Variants in KCNH5 observed in about 807,000 individuals in gnomAD.
The protein encoded by KCNH5 is potassium voltage-gated channel subfamily H member 5.
Under a neutral mutation model 96.1 loss-of-function variants are expected in KCNH5, and 46 were observed. The observed-to-expected ratio is 0.48, with a 90% CI of 0.38 to 0.61. The LOEUF (loss-of-function observed/expected upper bound fraction) is 0.61, where lower values mean the gene tolerates loss of function less well. KCNH5 is among the 20% of genes least tolerant of loss of function. The probability of loss-of-function intolerance (pLI) is 0.00; values close to 1 mark genes in which losing one functional copy is unlikely to be tolerated. For missense variants in KCNH5, 907 were observed against 1,225.8 expected (o/e 0.74, Z 3.88); for synonymous variants, 439 against 449.8 (o/e 0.98, Z 0.30).
chr14:62,972,491 T>C (rs1882503964), intron 6 of KCNH5, among the ~76,000 whole-genome samples: 1 of 152,236 alleles, frequency 6.6e-6, no homozygotes, highest in African/African-American at 2.4e-5. Context: ...GATTCAGCAA[T>C]CATGTTTCTT....
intron 9 of KCNH5, among the ~76,000 whole-genome samples, chr14:62,787,645 A>C (rs1035315729): frequency 3.9e-5 from 6 of 152,208 alleles, no homozygotes; most frequent in African/African-American, 1.2e-4. Flanking sequence ...ACTTTAAAGG[A>C]TAGGCTAACT....
At chr14:63,032,770 A>G (rs1891652412) in intron 1 of KCNH5, among the ~76,000 whole-genome samples, 1 of 152,178 alleles carries the variant, frequency 6.6e-6, no homozygotes, top group African/African-American at 2.4e-5. Flanking sequence ...ACATCTGTAC[A>G]CACTTATATT....
intron 10 of KCNH5, among the ~76,000 whole-genome samples, chr14:62,778,593 T>C (rs1886145778): frequency 6.6e-6 from 1 of 152,350 alleles, no homozygotes; most frequent in East Asian, 1.9e-4. Flanking sequence ...CATTCATCAT[T>C]GCCTTCACTT....
chr14:63,040,778 T>C (rs1206502731), intron 1 of KCNH5, among the ~76,000 whole-genome samples: 1 of 152,092 alleles, frequency 6.6e-6, no homozygotes, highest in Non-Finnish European at 1.5e-5. Context: ...CAATTCAGCA[T>C]GAAAATAATT....
At chr14:63,000,979 G>A (rs1475275275) in intron 4 of KCNH5, among the ~76,000 whole-genome samples, 3 of 152,146 alleles carry the variant, frequency 2.0e-5, no homozygotes, top group Non-Finnish European at 2.9e-5. Flanking sequence ...GGAGGCTGAG[G>A]TGGGGGGACC....
At chr14:63,037,238 A>G (rs1158765834) in intron 1 of KCNH5, among the ~76,000 whole-genome samples, 1 of 152,188 alleles carries the variant, frequency 6.6e-6, no homozygotes, top group African/African-American at 2.4e-5. Context: ...AAGTAAGTTA[A>G]GTCACCGAGC....
At chr14:63,010,807 A>G (rs1452906467) in intron 2 of KCNH5, among the ~76,000 whole-genome samples, 2 of 152,214 alleles carry the variant, frequency 1.3e-5, no homozygotes, top group East Asian at 3.9e-4. Flanking sequence ...AAGAATGGCT[A>G]TAACGATTGA....
intron 1 of KCNH5, among the ~76,000 whole-genome samples, chr14:63,017,429 TTAGAC>T (rs1444618090): frequency 6.6e-6 from 1 of 151,898 alleles, no homozygotes; most frequent in Non-Finnish European, 1.5e-5. Flanking sequence ...TTTTTGTCCA[TTAGAC>T]TAATCTTGAA....
intron 7 of KCNH5, among the ~76,000 whole-genome samples, chr14:62,877,483 C>T (rs1223389751): frequency 6.6e-6 from 1 of 152,028 alleles, no homozygotes; most frequent in Non-Finnish European, 1.5e-5. Flanking sequence ...ACAATGAACT[C>T]AAACAAATTT....
At chr14:63,006,278 T>C (rs1018672599) in intron 3 of KCNH5, 88 bp downstream of exon 3, 10 of 703,044 alleles carry the variant, frequency 1.4e-5, no homozygotes, top group East Asian at 2.7e-5. Flanking sequence ...AAGGTTTACA[T>C]GCTCTCTACA....
intron 7 of KCNH5, among the ~76,000 whole-genome samples, chr14:62,941,559 A>C (rs1429723626): frequency 6.6e-6 from 1 of 152,148 alleles, no homozygotes; most frequent in Non-Finnish European, 1.5e-5. Context: ...AAAAAAGACA[A>C]AGTTTTCTTT....
intron 8 of KCNH5, among the ~76,000 whole-genome samples, chr14:62,833,805 G>T (rs1042352986): frequency 6.6e-6 from 1 of 151,796 alleles, no homozygotes; most frequent in Non-Finnish European, 1.5e-5. Context: ...ATCTAAATTT[G>T]CCTGTCTTTA....
chr14:62,802,265 G>A (rs1169452942), intron 9 of KCNH5, 64 bp downstream of exon 9: 15 of 1,541,920 alleles, frequency 9.7e-6, no homozygotes, highest in Admixed American at 2.0e-5. Flanking sequence ...TTAAAAATGC[G>A]AAAAGCAAAA....
At chr14:62,857,676 C>A (rs1209428072) in intron 7 of KCNH5, among the ~76,000 whole-genome samples, 1 of 152,104 alleles carries the variant, frequency 6.6e-6, no homozygotes, top group African/African-American at 2.4e-5. Context: ...TTATGTTTTT[C>A]TGCCTGTTTT....
intron 10 of KCNH5, among the ~76,000 whole-genome samples, chr14:62,726,179 G>A (rs548431090): frequency 5.9e-5 from 9 of 151,960 alleles, no homozygotes; most frequent in Non-Finnish European, 1.0e-4. Flanking sequence ...AATGTGATAC[G>A]TAAAAAAACA....
At chr14:62,713,908 A>G (rs1375216102) in intron 10 of KCNH5, among the ~76,000 whole-genome samples, 1 of 152,172 alleles carries the variant, frequency 6.6e-6, no homozygotes, top group African/African-American at 2.4e-5. Flanking sequence ...TATTACCAAG[A>G]AAGCTATATT....
chr14:62,938,296 T>A (rs1159176362), intron 7 of KCNH5, among the ~76,000 whole-genome samples: 1 of 152,154 alleles, frequency 6.6e-6, no homozygotes, highest in Non-Finnish European at 1.5e-5. Flanking sequence ...TCTCACCCCA[T>A]AAAGATCTCC....
chr14:62,957,689 CTGTGGTCTTGG>C (rs1277097482), intron 6 of KCNH5, among the ~76,000 whole-genome samples: 16 of 152,236 alleles, frequency 1.1e-4, no homozygotes, highest in African/African-American at 3.6e-4. Flanking sequence ...CCACCTCCAC[CTGTGGTCTTGG>C]AAGCCAGCCC....
At chr14:62,905,660 C>G (rs1889012945) in intron 7 of KCNH5, among the ~76,000 whole-genome samples, 1 of 152,176 alleles carries the variant, frequency 6.6e-6, no homozygotes, top group Non-Finnish European at 1.5e-5. Flanking sequence ...AAATTAATCC[C>G]AACTTCCTGC....
Sources: gnomAD v4.1 joint callset for allele counts (sites outside exome capture counted in the v4.1 genomes callset) on GRCh38, gnomAD v4.1.1 for gene constraint, MANE v1.5 for transcripts, NCBI Gene and HGNC (gene_info 2026-07-23, HGNC 2026-07-21) for gene names.